Variants in WDR41 observed in about 807,000 individuals in gnomAD.
WDR41 encodes WD repeat domain 41.
Under a neutral mutation model 69.3 loss-of-function variants are expected in WDR41, and 63 were observed. That is an observed-to-expected ratio of 0.91 (90% CI 0.74 to 1.12). The LOEUF (loss-of-function observed/expected upper bound fraction) is 1.12. Ranked by LOEUF, WDR41 falls within the 50% of genes most tolerant of loss-of-function variation. The probability of loss-of-function intolerance (pLI) is 0.00; values close to 1 mark genes in which losing one functional copy is unlikely to be tolerated. For synonymous variants in WDR41, 185 were observed against 192.1 expected (o/e 0.96, Z 0.31); for missense variants, 543 against 534.5 (o/e 1.02, Z -0.16).
At chr5:77,457,947 T>G (rs773499913) in intron 5 of WDR41, among the ~76,000 whole-genome samples, 2 of 152,130 alleles carry the variant, frequency 1.3e-5, no homozygotes, top group Non-Finnish European at 2.9e-5. Flanking sequence ...TAGTGACCAG[T>G]TCCTATAACC....
At chr5:77,596,225 G>T (rs1744225178) in intron 1 of WDR41, among the ~76,000 whole-genome samples, 2 of 152,124 alleles carry the variant, frequency 1.3e-5, no homozygotes, top group African/African-American at 4.8e-5. Context: ...TTGGCTCACT[G>T]CAACCTCCGC....
At chr5:77,581,719 C>A (rs890249404) in intron 1 of WDR41, among the ~76,000 whole-genome samples, 34 of 152,204 alleles carry the variant, frequency 2.2e-4, no homozygotes, top group African/African-American at 7.9e-4. Context: ...CTCACAAATA[C>A]ATGGAAATAA....
intron 1 of WDR41, among the ~76,000 whole-genome samples, chr5:77,579,427 A>G (rs1743894184): frequency 6.6e-6 from 1 of 152,190 alleles, no homozygotes; most frequent in African/African-American, 2.4e-5. Flanking sequence ...ATCATTTACA[A>G]GTGATTAACA....
In WDR41 at chr5:77,438,143, A is replaced by G; in HGVS notation, c.1004+97T>C. 1.9e-6 allele frequency: 3 copies of G among 1,557,868 alleles called. No individual in the cohort carries two copies. The East Asian group carries it at 6.8e-5, about 35-fold the overall frequency. On this transcript the variant is annotated intron_variant, in intron 10 of 12. Transcript: ENST00000296679. ...CCAAAAGAACACAGCAGGTCAAGCC[A>G]TGAAGCCAGGTAACTTGGCCACTTG...
intron 1 of WDR41, among the ~76,000 whole-genome samples, chr5:77,612,338 C>G (rs1255678365): frequency 6.6e-5 from 10 of 151,868 alleles, no homozygotes; most frequent in African/African-American, 2.4e-4. Context: ...GAGACACAAC[C>G]AAAAAAGAGA....
intron 1 of WDR41, among the ~76,000 whole-genome samples, chr5:77,573,138 C>G (rs1284102297): frequency 4.6e-5 from 7 of 152,138 alleles, no homozygotes; most frequent in African/African-American, 1.4e-4. Context: ...GTTTTCACTA[C>G]TTTTGCCCAG....
In WDR41 at chr5:77,443,876, C is replaced by CT. The variant is rs746105630; in HGVS notation, c.698-2880dup. On this transcript the variant is annotated intron_variant, in intron 8 of 12. Coordinates refer to ENST00000296679, the MANE Select transcript of WDR41 (RefSeq NM_018268.4). Reference sequence around the variant, plus strand: ...AATACGGCATTCAGCTCAATCAGCACTTTTTTTTTTTTTTTTTTTTTTTTG... The same window carrying CT: ...AATACGGCATTCAGCTCAATCAGCACTTTTTTTTTTTTTTTTTTTTTTTTTG... Among the ~76,000 whole-genome samples the CT allele has an allele frequency of 6.1e-3, 643 of 105,016 alleles. 6 individuals carry two copies. The highest frequency in any genetic ancestry group is 0.031 in the South Asian group (95 of 3,048). The allele number at this position is 105,016 out of a possible 152,430, so 68.9% of individuals were successfully genotyped here.
intron 5 of WDR41, among the ~76,000 whole-genome samples, chr5:77,456,741 G>A (rs549558242): frequency 5.9e-5 from 9 of 151,810 alleles, no homozygotes; most frequent in South Asian, 2.1e-4. Flanking sequence ...TTGCTCTATC[G>A]CCCAGGCTAG....
chr5:77,535,109 G>A (rs1309540518), intron 1 of WDR41, among the ~76,000 whole-genome samples: 3 of 152,108 alleles, frequency 2.0e-5, no homozygotes, highest in Non-Finnish European at 1.5e-5. Context: ...TGGACAGTCT[G>A]AATCAGGTCA....
chr5:77,512,797 AG>A (rs1472563244), intron 1 of WDR41, among the ~76,000 whole-genome samples: 1 of 151,450 alleles, frequency 6.6e-6, no homozygotes, highest in Non-Finnish European at 1.5e-5. Context: ...CTTTCCTGGT[AG>A]GAAAATGATG....
chr5:77,434,321 A>C (rs1178124729), intron 12 of WDR41, among the ~76,000 whole-genome samples: 2 of 152,012 alleles, frequency 1.3e-5, no homozygotes, highest in Non-Finnish European at 1.5e-5. Context: ...CGGGAAAAAA[A>C]ACAAGAGTTT....
At chr5:77,540,697 A>G (rs1340500916) in intron 1 of WDR41, among the ~76,000 whole-genome samples, 2 of 132,612 alleles carry the variant, frequency 1.5e-5, no homozygotes, top group East Asian at 2.7e-4. Context: ...ACAGAGCAAG[A>G]CCCTGTCAAA....
At position 77,561,286 on chromosome 5, in the gene WDR41, G is replaced by A. The variant is rs184093622; in HGVS notation, c.42+59193C>T. ...TTATGAAAATAATTTTTGCATATAAGTTTTTCATTTTGTGAAGCACAGGAA... is the reference window on the plus strand; with the variant it reads ...TTATGAAAATAATTTTTGCATATAAATTTTTCATTTTGTGAAGCACAGGAA... On this transcript the variant is annotated intron_variant, in intron 1 of 5. Coordinates refer to the WDR41 transcript ENST00000509971. 4.6e-4 allele frequency among the ~76,000 whole-genome samples: 70 copies of A among 152,198 alleles called. No individual in the cohort carries two copies. In the East Asian group the frequency reaches 0.012, roughly 26 times the overall value.
chr5:77,513,003 C>T (rs1043575769), intron 1 of WDR41, among the ~76,000 whole-genome samples: 2 of 152,110 alleles, frequency 1.3e-5, no homozygotes, highest in Admixed American at 1.3e-4. Context: ...TTATCGTTTT[C>T]CCCACCTGGC....
At chr5:77,612,596 C>A (rs924125524) in intron 1 of WDR41, among the ~76,000 whole-genome samples, 1 of 152,186 alleles carries the variant, frequency 6.6e-6, no homozygotes, top group African/African-American at 2.4e-5. Flanking sequence ...TTCAACAACC[C>A]TTCATACTAA....
intron 1 of WDR41, among the ~76,000 whole-genome samples, chr5:77,518,752 A>G (rs1010923431): frequency 1.3e-5 from 2 of 152,142 alleles, no homozygotes; most frequent in African/African-American, 2.4e-5. Flanking sequence ...CAAATTAAAT[A>G]GTTTATAAAC....
chr5:77,511,845 T>C (rs531568713), intron 1 of WDR41, among the ~76,000 whole-genome samples: 2 of 133,978 alleles, frequency 1.5e-5, no homozygotes, highest in Non-Finnish European at 3.0e-5. Context: ...GAAGCATTAG[T>C]TAAGTTTCGA....
In WDR41 at chr5:77,492,117, G is replaced by A. The variant is rs775004431; in HGVS notation, c.51+53C>T. 2.5e-6 allele frequency: 4 copies of A among 1,596,164 alleles called. No homozygotes were observed. The Admixed American group carries it at 5.1e-5, about 20-fold the overall frequency. On this transcript the variant is annotated intron_variant, in intron 1 of 12. Transcript: ENST00000296679. ...CCCAGGAAGGCCGAACCGGAACGAA[G>A]CCGCCCCTCCAGCAAGCTCGACGGA...
At chr5:77,467,920 T>C (rs1800374901) in intron 2 of WDR41, among the ~76,000 whole-genome samples, 1 of 151,860 alleles carries the variant, frequency 6.6e-6, no homozygotes, top group African/African-American at 2.4e-5. Flanking sequence ...CCAATTCTTA[T>C]CCATATACTT....
Sources: gnomAD v4.1 joint callset for allele counts (sites outside exome capture counted in the v4.1 genomes callset) on GRCh38, gnomAD v4.1.1 for gene constraint, MANE v1.5 for transcripts, NCBI Gene and HGNC (gene_info 2026-07-23, HGNC 2026-07-21) for gene names.